Variants in INPP4B observed in about 807,000 individuals in gnomAD.
INPP4B encodes the protein inositol polyphosphate 4-phosphatase type II.
Under a neutral mutation model 122.5 loss-of-function variants are expected in INPP4B, and 55 were observed. The ratio of observed to expected loss-of-function variants is 0.45; its 90% confidence interval spans 0.36 to 0.56. The LOEUF is 0.56. Ranked by LOEUF, INPP4B falls within the 20% of genes least tolerant of loss-of-function variation. INPP4B has a pLI of 0.00. For missense variants in INPP4B, 1,000 were observed against 1,097.7 expected (o/e 0.91, Z 1.26); for synonymous variants, 403 against 388.7 (o/e 1.04, Z -0.43).
chr4:142,560,966 C>G (rs1184345042), intron 2 of INPP4B, among the ~76,000 whole-genome samples: 10 of 152,172 alleles, frequency 6.6e-5, no homozygotes, highest in Admixed American at 6.6e-4. Flanking sequence ...AAAATCTTGA[C>G]TGTCATTTTG....
chr4:142,148,977 C>T (rs1812289298), intron 17 of INPP4B, among the ~76,000 whole-genome samples: 1 of 152,240 alleles, frequency 6.6e-6, no homozygotes, highest in Admixed American at 6.5e-5. Context: ...CACTCAGCAG[C>T]AGACCCTAAG....
chr4:142,214,304 T>C (rs2149599335), intron 12 of INPP4B, among the ~76,000 whole-genome samples: 1 of 152,286 alleles, frequency 6.6e-6, no homozygotes, highest in South Asian at 2.1e-4. Flanking sequence ...TCCTAAAGAT[T>C]CCACATAGCA....
At chr4:142,066,847 A>C (rs1415697509) in intron 25 of INPP4B, among the ~76,000 whole-genome samples, 1 of 152,222 alleles carries the variant, frequency 6.6e-6, no homozygotes, top group Admixed American at 6.5e-5. Flanking sequence ...GATGGAGCCC[A>C]CCACAGCTCA....
chr4:142,819,257 A>C (rs904717475), intron 1 of INPP4B, among the ~76,000 whole-genome samples: 7 of 152,172 alleles, frequency 4.6e-5, no homozygotes, highest in Admixed American at 3.9e-4. Flanking sequence ...AAAGCCCTAA[A>C]GGGCTACATC....
intron 2 of INPP4B, among the ~76,000 whole-genome samples, chr4:142,663,269 A>G (rs1350951785): frequency 1.3e-5 from 2 of 152,216 alleles, no homozygotes; most frequent in African/African-American, 4.8e-5. Context: ...AAAAAGTTAC[A>G]TCTCTTTAAA....
At chr4:142,306,229 GTTT>G (rs5862582) in intron 8 of INPP4B, among the ~76,000 whole-genome samples, 16,085 of 135,932 alleles carry the variant, frequency 0.12, 985 homozygotes, top group African/African-American at 0.2. Flanking sequence ...ACTCCAAATT[GTTT>G]TTTTTTTTTT....
At chr4:142,327,382 C>T (rs1277562024) in intron 7 of INPP4B, among the ~76,000 whole-genome samples, 2 of 151,876 alleles carry the variant, frequency 1.3e-5, no homozygotes, top group Non-Finnish European at 1.5e-5. Flanking sequence ...GATCACCAAA[C>T]CCCCCATACA....
chr4:142,060,275 C>G (rs979958995), intron 25 of INPP4B, among the ~76,000 whole-genome samples: 2 of 152,090 alleles, frequency 1.3e-5, no homozygotes, highest in East Asian at 3.9e-4. Context: ...TCTTAAAGCA[C>G]AGGAAATATA....
At chr4:142,125,901 T>C (rs1798429959) in intron 18 of INPP4B, among the ~76,000 whole-genome samples, 1 of 152,134 alleles carries the variant, frequency 6.6e-6, no homozygotes, top group Non-Finnish European at 1.5e-5. Context: ...AAAGTTACAA[T>C]AAATATAAAA....
intron 12 of INPP4B, among the ~76,000 whole-genome samples, chr4:142,227,856 T>TAAAAAAAAAAAAA (rs60375355): frequency 5.8e-5 from 2 of 34,236 alleles, no homozygotes; most frequent in African/African-American, 1.1e-4. Flanking sequence ...AGACTCTATC[T>TAAAAAAAAAAAAA]AAAAAAAAAA....
intron 2 of INPP4B, among the ~76,000 whole-genome samples, chr4:142,515,282 T>A (rs1825280764): frequency 6.6e-6 from 1 of 152,148 alleles, no homozygotes; most frequent in African/African-American, 2.4e-5. Flanking sequence ...ACATGGGATG[T>A]GGGGAGCCTG....
At chr4:142,119,652 G>A (rs113678658) in intron 21 of INPP4B, among the ~76,000 whole-genome samples, 2 of 151,476 alleles carry the variant, frequency 1.3e-5, no homozygotes, top group African/African-American at 4.9e-5. Context: ...GTCGTGGGGT[G>A]GGGGGAAGGG....
intron 14 of INPP4B, 36 bp from the exon 15 acceptor site, chr4:142,193,231 C>T (rs1394024867): frequency 8.2e-7 from 1 of 1,217,114 alleles, no homozygotes; most frequent in Non-Finnish European, 1.2e-6. Flanking sequence ...GAACACTTTG[C>T]AAACATTTAT....
At chr4:142,222,788 C>T (rs1340770984) in intron 12 of INPP4B, among the ~76,000 whole-genome samples, 2 of 152,156 alleles carry the variant, frequency 1.3e-5, no homozygotes, top group African/African-American at 4.8e-5. Context: ...ATAGTATAGT[C>T]AGCATACCTA....
chr4:142,407,379 C>A lies in INPP4B; in HGVS notation c.137-2055G>T, dbSNP rs78852570. Among the ~76,000 whole-genome samples, 653 of 152,198 alleles carry A rather than the reference C, an allele frequency of 4.3e-3. 2 individuals are homozygous for A. The highest frequency in any genetic ancestry group is 5.9e-3 in the Non-Finnish European group (403 of 68,000). ...CACCTTTGCTCAAAATAAGTCACTT[C>A]TTTTCTGAGTTCTTATCAGACTTGA... On this transcript the variant is annotated intron_variant, in intron 5 of 25. Transcript: ENST00000262992.
intron 18 of INPP4B, among the ~76,000 whole-genome samples, chr4:142,130,809 T>A (rs541654013): frequency 2.6e-5 from 4 of 152,196 alleles, no homozygotes; most frequent in South Asian, 2.1e-4. Context: ...CAAATGGCTA[T>A]GACAAGAACA....
At chr4:142,515,123 T>A (rs1398565108) in intron 2 of INPP4B, among the ~76,000 whole-genome samples, 1 of 152,138 alleles carries the variant, frequency 6.6e-6, no homozygotes, top group Admixed American at 6.6e-5. Flanking sequence ...ATTGTATGTA[T>A]ATAAAGATCT....
At chr4:142,394,366 C>T (rs978440722) in intron 7 of INPP4B, among the ~76,000 whole-genome samples, 4 of 152,100 alleles carry the variant, frequency 2.6e-5, no homozygotes, top group Admixed American at 1.3e-4. Flanking sequence ...AGGATGGTCT[C>T]GATCTCCTGA....
intron 2 of INPP4B, among the ~76,000 whole-genome samples, chr4:142,583,064 G>A (rs913735330): frequency 6.6e-6 from 1 of 152,128 alleles, no homozygotes; most frequent in African/African-American, 2.4e-5. Context: ...AAGGAAATCC[G>A]AACTCTGAAC....
Sources: gnomAD v4.1 joint callset for allele counts (sites outside exome capture counted in the v4.1 genomes callset) on GRCh38, gnomAD v4.1.1 for gene constraint, MANE v1.5 for transcripts, NCBI Gene and HGNC (gene_info 2026-07-23, HGNC 2026-07-21) for gene names.